Variants in SP100 observed in about 807,000 individuals in gnomAD.
SP100 encodes SP100 nuclear body protein, also known as nuclear autoantigen Sp-100.
Under a neutral mutation model 130.0 loss-of-function variants are expected in SP100, and 84 were observed. That is an observed-to-expected ratio of 0.65 (90% CI 0.54 to 0.77). SP100 has a LOEUF of 0.77. Ranked by LOEUF, SP100 falls within the 30% of genes least tolerant of loss-of-function variation. The pLI is 0.00. For synonymous variants in SP100, 331 were observed against 351.7 expected (o/e 0.94, Z 0.66); for missense variants, 978 against 1,052.2 (o/e 0.93, Z 0.97).
chr2:230,495,603 G>A (rs777810673), intron 18 of SP100, among the ~76,000 whole-genome samples: 3 of 152,176 alleles, frequency 2.0e-5, no homozygotes, highest in Non-Finnish European at 4.4e-5. Flanking sequence ...TACAGGCAGT[G>A]AACCAAACTC....
At chr2:230,519,939 T>C (rs1283010993) in intron 24 of SP100, among the ~76,000 whole-genome samples, 1 of 152,212 alleles carries the variant, frequency 6.6e-6, no homozygotes, top group Admixed American at 6.5e-5. Context: ...TCAAACCAGC[T>C]GGTGCTGATA....
intron 23 of SP100, chr2:230,508,283 T>A: frequency 2.2e-6 from 1 of 463,574 alleles, no homozygotes. Flanking sequence ...ATTGTATGTG[T>A]TTTTTAGTAA....
intron 18 of SP100, among the ~76,000 whole-genome samples, chr2:230,497,499 GA>G (rs1207966647): frequency 8.4e-4 from 15 of 17,774 alleles, no homozygotes; most frequent in South Asian, 8.3e-3. Flanking sequence ...GAGGAGAGGA[GA>G]GGAGAGGAGA....
intron 15 of SP100, among the ~76,000 whole-genome samples, chr2:230,471,530 G>C (rs1649886): frequency 6.6e-6 from 1 of 151,986 alleles, no homozygotes. Flanking sequence ...TGGAGAAGCC[G>C]ATTATGATGT....
chr2:230,451,659 G>T (rs999543356), intron 8 of SP100, among the ~76,000 whole-genome samples: 1 of 152,134 alleles, frequency 6.6e-6, no homozygotes, highest in African/African-American at 2.4e-5. Context: ...TGTAATCCCA[G>T]TTCTTTTTGC....
chr2:230,510,514 T>C (rs1690501856), intron 23 of SP100: 1 of 47,218 alleles, frequency 2.1e-5, no homozygotes, highest in Non-Finnish European at 4.9e-5. Context: ...TTTTTTTTTT[T>C]TTTTTTTTTT....
chr2:230,481,686 T>C (rs2065839281), intron 17 of SP100, among the ~76,000 whole-genome samples: 1 of 152,284 alleles, frequency 6.6e-6, no homozygotes, highest in South Asian at 2.1e-4. Context: ...AAGTTTCCAG[T>C]TGAACCTAGA....
rs545922499 is a variant in SP100 at position 230,444,345 on chromosome 2, T to C, written c.438T>C (p.Asn146=). Residue 146 remains asparagine, a splice_region_variant and synonymous_variant, in exon 4 of 29, where the codon AAT becomes AAC. Coordinates refer to ENST00000340126, the MANE Select transcript of SP100 (RefSeq NM_001080391.2). ...DLIHIYKGFE[N]VIHDKLPLQE... ...TTCACATTTATAAAGGCTTTGAAAATGGTAATTAGATTTATTATCTACCTT... is the reference window on the plus strand; with the variant it reads ...TTCACATTTATAAAGGCTTTGAAAACGGTAATTAGATTTATTATCTACCTT... 154 of 1,609,772 alleles carry C rather than the reference T, an allele frequency of 9.6e-5. 1 individual carries two copies. In the East Asian group the frequency reaches 3.3e-3, roughly 34 times the overall value.
intron 18 of SP100, 61 bp downstream of exon 18, chr2:230,494,521 G>C: frequency 7.8e-7 from 1 of 1,279,424 alleles, no homozygotes. Flanking sequence ...CTTCCTGCCA[G>C]ACCCCATCTT....
chr2:230,496,434 C>A (rs2066669827), intron 18 of SP100, among the ~76,000 whole-genome samples: 1 of 152,178 alleles, frequency 6.6e-6, no homozygotes, highest in African/African-American at 2.4e-5. Flanking sequence ...TCCAACTCCA[C>A]TCAGTGTCTA....
chr2:230,438,665 AC>A, intron 2 of SP100, among the ~76,000 whole-genome samples: 1 of 151,418 alleles, frequency 6.6e-6, no homozygotes, highest in Non-Finnish European at 1.5e-5. Context: ...ACACACACAC[AC>A]ACACACACAC....
chr2:230,475,349 G>A (rs1344392226), intron 17 of SP100, among the ~76,000 whole-genome samples: 1 of 152,124 alleles, frequency 6.6e-6, no homozygotes, highest in Admixed American at 6.6e-5. Flanking sequence ...TTTGAGAAGT[G>A]TCTGTTCATG....
intron 21 of SP100, 38 bp downstream of exon 21, chr2:230,504,328 A>G: frequency 8.3e-7 from 1 of 1,199,542 alleles, no homozygotes; most frequent in Non-Finnish European, 1.2e-6. Context: ...TCAGCTGGAA[A>G]ATATCCACAC....
At chr2:230,428,076 CA>C (rs2062988509) in intron 2 of SP100, among the ~76,000 whole-genome samples, 1 of 151,898 alleles carries the variant, frequency 6.6e-6, no homozygotes, top group Non-Finnish European at 1.5e-5. Flanking sequence ...ACTAAAACTA[CA>C]AAAATTAGCC....
At position 230,494,458 on chromosome 2, in the gene SP100, G is replaced by C. The variant is rs779537378; in HGVS notation, c.1643G>C (p.Arg548Thr). The C allele has an allele frequency of 1.2e-6, 2 of 1,606,098 alleles. No homozygotes were observed. The highest frequency in any genetic ancestry group is 1.7e-6 in the Non-Finnish European group (2 of 1,172,778). ...RHRSKVNGLQ[R>T]GRKKDRPRKH... The stretch of plus-strand genomic sequence containing the variant: ...AGATCTAAAGTAAATGGTCTCCAAA[G>C]AGGTAAGAAGAAATGTGGGGATTTA... The change falls in exon 18 of 29, where the codon AGA becomes ACA. Residue 548 changes from arginine (R) to threonine (T), a missense_variant and splice_region_variant. Coordinates refer to ENST00000340126, the MANE Select transcript of SP100 (RefSeq NM_001080391.2).
At chr2:230,469,750 T>C (rs2065169544) in intron 14 of SP100, 2 of 1,312,586 alleles carry the variant, frequency 1.5e-6, no homozygotes, top group African/African-American at 1.5e-5. Context: ...AAATGGATGA[T>C]TTATAATAAA....
At chr2:230,524,399 G>T (rs949795588) in intron 24 of SP100, among the ~76,000 whole-genome samples, 1 of 148,254 alleles carries the variant, frequency 6.7e-6, no homozygotes, top group Admixed American at 6.7e-5. Context: ...GAAAAAAAAC[G>T]TATAAACCCA....
Position 230,545,600 on chromosome 2 carries a change from A to G in SP100, c.*2654A>G, listed in dbSNP as rs1692281024. On this transcript the variant is annotated 3_prime_UTR_variant, in exon 29 of 29. Coordinates refer to ENST00000340126, the MANE Select transcript of SP100 (RefSeq NM_001080391.2). ...ATGGATCATTAAAAAAAATTTTAAT[A>G]ATAAAATTGTCTTATCAAGTTCTCT... 2.0e-5 allele frequency among the ~76,000 whole-genome samples: 3 copies of G among 152,178 alleles called. No individual in the cohort carries two copies. The highest frequency in any genetic ancestry group is 2.0e-4 in the Admixed American group (3 of 15,282).
At chr2:230,428,102 G>A (rs2062989425) in intron 2 of SP100, among the ~76,000 whole-genome samples, 1 of 152,040 alleles carries the variant, frequency 6.6e-6, no homozygotes, top group African/African-American at 2.4e-5. Context: ...GTGGTGGCAT[G>A]TGCCTGTAGT....
Sources: gnomAD v4.1 joint callset for allele counts (sites outside exome capture counted in the v4.1 genomes callset) on GRCh38, gnomAD v4.1.1 for gene constraint, MANE v1.5 for transcripts, NCBI Gene and HGNC (gene_info 2026-07-23, HGNC 2026-07-21) for gene names.